GRB10: variants seen among roughly 807,000 people sequenced by gnomAD.
GRB10 encodes growth factor receptor-bound protein 10.
Under a neutral mutation model 80.9 loss-of-function variants are expected in GRB10, and 20 were observed. The observed-to-expected ratio is 0.25, with a 90% CI of 0.17 to 0.36. The LOEUF is 0.36. GRB10 is among the 10% of genes least tolerant of loss of function. The pLI is 1.00. For synonymous variants in GRB10, 291 were observed against 291.5 expected (o/e 1.00, Z 0.02); for missense variants, 548 against 747.7 (o/e 0.73, Z 3.12).
chr7:50,597,746 C>G (rs537213132), intron 17 of GRB10, among the ~76,000 whole-genome samples: 1 of 152,182 alleles, frequency 6.6e-6, no homozygotes, highest in Non-Finnish European at 1.5e-5. Context: ...GACTGCTATG[C>G]GGGGAGAATG....
At chr7:50,703,638 C>T (rs2064556605) in intron 5 of GRB10, among the ~76,000 whole-genome samples, 183 bp downstream of exon 5, 1 of 152,204 alleles carries the variant, frequency 6.6e-6, no homozygotes, top group Non-Finnish European at 1.5e-5. Context: ...AAAGGAAATA[C>T]ATGAAGATAT....
chr7:50,648,842 C>G (rs1298546391), intron 7 of GRB10, among the ~76,000 whole-genome samples: 1 of 152,172 alleles, frequency 6.6e-6, no homozygotes, highest in African/African-American at 2.4e-5. Flanking sequence ...CTCTCCCGCT[C>G]CACTAGGAGA....
chr7:50,769,362 G>A (rs1588016112), intron 2 of GRB10, among the ~76,000 whole-genome samples: 1 of 152,124 alleles, frequency 6.6e-6, no homozygotes, highest in Non-Finnish European at 1.5e-5. Context: ...ACAGGAGGTC[G>A]GGCTTCCCAG....
At chr7:50,696,484 G>T (rs904769361) in intron 5 of GRB10, among the ~76,000 whole-genome samples, 1 of 152,202 alleles carries the variant, frequency 6.6e-6, no homozygotes, top group African/African-American at 2.4e-5. Flanking sequence ...CTCACTGGCA[G>T]CCTCTCAGGC....
At chr7:50,640,813 T>C (rs1339990930) in intron 7 of GRB10, among the ~76,000 whole-genome samples, 2 of 152,230 alleles carry the variant, frequency 1.3e-5, no homozygotes, top group African/African-American at 4.8e-5. Flanking sequence ...GACTCTCACC[T>C]CTATCTAATC....
rs17547986 is a variant in GRB10 at position 50,710,434 on chromosome 7, G to A, written c.52-6526C>T. On this transcript the variant is annotated intron_variant, in intron 4 of 18. Transcript: ENST00000401949. ...AGTCATTGGCGTTCCGTTTCAACTA[G>A]AGCATCAAATGCACTCTTGCCTCTG... is the stretch of plus-strand genomic sequence containing the variant. Among the ~76,000 whole-genome samples, 4 of 152,136 alleles carry A rather than the reference G, an allele frequency of 2.6e-5. No homozygotes were observed. The East Asian group carries it at 7.7e-4, about 29-fold the overall frequency.
At chr7:50,613,064 C>T (rs2049873459) in intron 12 of GRB10, among the ~76,000 whole-genome samples, 1 of 152,144 alleles carries the variant, frequency 6.6e-6, no homozygotes, top group African/African-American at 2.4e-5. Context: ...AGGTTGTGTA[C>T]CACTTAGCTG....
At chr7:50,656,806 C>T (rs2058699193) in intron 7 of GRB10, among the ~76,000 whole-genome samples, 1 of 152,202 alleles carries the variant, frequency 6.6e-6, no homozygotes, top group Non-Finnish European at 1.5e-5. Context: ...CACTCTATCC[C>T]GGATGTGGTA....
intron 4 of GRB10, among the ~76,000 whole-genome samples, chr7:50,716,649 C>G (rs754649776): frequency 2.0e-5 from 3 of 152,092 alleles, no homozygotes; most frequent in Non-Finnish European, 2.9e-5. Flanking sequence ...CAAATCCAAC[C>G]CTACAGATGA....
chr7:50,787,732 C>T (rs185912973), upstream of GRB10, among the ~76,000 whole-genome samples: 1 of 152,198 alleles, frequency 6.6e-6, no homozygotes, highest in Non-Finnish European at 1.5e-5. Flanking sequence ...TCACTAGGAT[C>T]GCAGGCCAAG....
intron 17 of GRB10, among the ~76,000 whole-genome samples, chr7:50,603,131 G>A (rs1041203030): frequency 3.9e-5 from 6 of 152,168 alleles, no homozygotes; most frequent in African/African-American, 1.4e-4. Flanking sequence ...TGTATTTTGA[G>A]TATTCAGACC....
intron 3 of GRB10, among the ~76,000 whole-genome samples, chr7:50,735,199 C>T (rs1724649966): frequency 6.6e-6 from 1 of 152,104 alleles, no homozygotes; most frequent in African/African-American, 2.4e-5. Flanking sequence ...AAAACAATTC[C>T]ATTTACAATA....
At chr7:50,602,043 C>T (rs1354593969) in intron 17 of GRB10, among the ~76,000 whole-genome samples, 1 of 101,806 alleles carries the variant, frequency 9.8e-6, no homozygotes, top group Non-Finnish European at 2.0e-5. Context: ...TTCACAGTGA[C>T]AGTTTAAACA....
intron 7 of GRB10, among the ~76,000 whole-genome samples, chr7:50,636,037 G>A (rs1183027578): frequency 1.5e-5 from 2 of 129,060 alleles, no homozygotes; most frequent in Non-Finnish European, 3.1e-5. Flanking sequence ...CAGTGCAGTG[G>A]TGCAATCTCA....
intron 3 of GRB10, among the ~76,000 whole-genome samples, chr7:50,735,551 T>C (rs963536947): frequency 5.9e-5 from 9 of 152,134 alleles, no homozygotes; most frequent in African/African-American, 1.7e-4. Flanking sequence ...AGCACACTGA[T>C]GCAGGGCCAG....
At chr7:50,707,454 T>G (rs2065196859) in intron 4 of GRB10, among the ~76,000 whole-genome samples, 1 of 152,210 alleles carries the variant, frequency 6.6e-6, no homozygotes, top group Non-Finnish European at 1.5e-5. Flanking sequence ...TCCTACATTT[T>G]CCATTCTCAC....
intron 2 of GRB10, among the ~76,000 whole-genome samples, chr7:50,768,473 T>A (rs2076602915): frequency 6.6e-6 from 1 of 152,226 alleles, no homozygotes; most frequent in African/African-American, 2.4e-5. Context: ...TCCTTTATAA[T>A]CACCTCTATG....
chr7:50,602,276 C>T (rs1344461084), intron 17 of GRB10, among the ~76,000 whole-genome samples: 2 of 152,298 alleles, frequency 1.3e-5, no homozygotes, highest in Admixed American at 6.5e-5. Flanking sequence ...GCAAGTTCAC[C>T]AAGGGCTGCT....
chr7:50,788,973 C>T (rs1208150009), intron 1 of GRB10, among the ~76,000 whole-genome samples: 2 of 152,194 alleles, frequency 1.3e-5, no homozygotes, highest in Non-Finnish European at 2.9e-5. Flanking sequence ...AACTTCTGCT[C>T]CTGGTTGAAG....
Sources: gnomAD v4.1 joint callset for allele counts (sites outside exome capture counted in the v4.1 genomes callset) on GRCh38, gnomAD v4.1.1 for gene constraint, MANE v1.5 for transcripts, NCBI Gene and HGNC (gene_info 2026-07-23, HGNC 2026-07-21) for gene names.